SPAG16: variants seen among roughly 807,000 people sequenced by gnomAD.
SPAG16 encodes the protein sperm associated antigen 16.
Under a neutral mutation model 80.4 loss-of-function variants are expected in SPAG16, and 86 were observed. That is an observed-to-expected ratio of 1.07 (90% CI 0.90 to 1.28). SPAG16 has a LOEUF of 1.28. Among genes scored for constraint, SPAG16 ranks in the 50% most tolerant of loss-of-function variants. The probability of loss-of-function intolerance (pLI) is 0.00; values close to 1 mark genes in which losing one functional copy is unlikely to be tolerated. For synonymous variants in SPAG16, 294 were observed against 265.9 expected (o/e 1.11, Z -1.03); for missense variants, 870 against 765.3 (o/e 1.14, Z -1.61).
intron 10 of SPAG16, among the ~76,000 whole-genome samples, chr2:213,775,761 G>A (rs927422681): frequency 5.9e-5 from 9 of 152,262 alleles, no homozygotes; most frequent in Non-Finnish European, 8.8e-5. Flanking sequence ...ATCTTTATAA[G>A]TAGAAGTCAC....
chr2:214,372,596 C>G (rs1699891606), intron 15 of SPAG16, among the ~76,000 whole-genome samples: 1 of 152,156 alleles, frequency 6.6e-6, no homozygotes, highest in Non-Finnish European at 1.5e-5. Context: ...GCACATAAGG[C>G]CTTTCTCTGT....
intron 10 of SPAG16, among the ~76,000 whole-genome samples, chr2:213,554,198 A>G (rs1366693839): frequency 6.6e-6 from 1 of 152,142 alleles, no homozygotes; most frequent in Non-Finnish European, 1.5e-5. Context: ...GACTCTAACA[A>G]CACTTGCTGC....
At chr2:214,191,809 A>G (rs973712914) in intron 15 of SPAG16, among the ~76,000 whole-genome samples, 4 of 151,914 alleles carry the variant, frequency 2.6e-5, no homozygotes, top group Non-Finnish European at 5.9e-5. Flanking sequence ...GTTCTAGAAA[A>G]CGATTTCCGT....
intron 11 of SPAG16, among the ~76,000 whole-genome samples, chr2:213,896,583 C>T (rs62191878): frequency 0.65 from 83,597 of 128,186 alleles, 26,478 homozygotes; most frequent in South Asian, 0.86. Flanking sequence ...GATATATACA[C>T]ACACACACGC....
intron 12 of SPAG16, among the ~76,000 whole-genome samples, chr2:214,009,616 AG>A (rs1165088671): frequency 1.3e-5 from 2 of 152,180 alleles, no homozygotes; most frequent in Non-Finnish European, 2.9e-5. Context: ...GTCGTGAGGG[AG>A]GCAGGCTCAT....
intron 9 of SPAG16, among the ~76,000 whole-genome samples, chr2:213,443,024 A>G (rs954459961): frequency 6.6e-6 from 1 of 152,206 alleles, no homozygotes; most frequent in African/African-American, 2.4e-5. Context: ...CCATTATACA[A>G]AAATATACAA....
chr2:213,594,067 G>T (rs1045343486), intron 10 of SPAG16, among the ~76,000 whole-genome samples: 1 of 151,880 alleles, frequency 6.6e-6, no homozygotes, highest in Non-Finnish European at 1.5e-5. Context: ...GAGCCACCGC[G>T]CCCGGCCATC....
intron 9 of SPAG16, among the ~76,000 whole-genome samples, chr2:213,433,059 T>G (rs2070400525): frequency 6.6e-6 from 1 of 152,188 alleles, no homozygotes; most frequent in Admixed American, 6.5e-5. Context: ...CAGCATCATT[T>G]CGCTATAAAC....
intron 12 of SPAG16, among the ~76,000 whole-genome samples, chr2:213,994,347 A>G (rs890609711): frequency 6.6e-6 from 1 of 152,172 alleles, no homozygotes; most frequent in Non-Finnish European, 1.5e-5. Flanking sequence ...AGGGAACTTA[A>G]TTTTCAATAT....
chr2:213,998,470 T>G (rs1228277859), intron 12 of SPAG16, among the ~76,000 whole-genome samples: 9 of 152,228 alleles, frequency 5.9e-5, no homozygotes, highest in Admixed American at 2.0e-4. Flanking sequence ...CTGCCATGAT[T>G]CTGAGGCCTC....
chr2:214,178,734 C>T (rs10460333), intron 15 of SPAG16, among the ~76,000 whole-genome samples: 1 of 151,204 alleles, frequency 6.6e-6, no homozygotes, highest in Non-Finnish European at 1.5e-5. Flanking sequence ...AGTAATATTT[C>T]TAATTTCTAT....
intron 12 of SPAG16, among the ~76,000 whole-genome samples, chr2:213,938,976 G>A (rs868481736): frequency 6.6e-5 from 10 of 152,082 alleles, no homozygotes; most frequent in Middle Eastern, 3.4e-3. Flanking sequence ...TTAACAAAGA[G>A]AGCAGAACTT....
intron 15 of SPAG16, among the ~76,000 whole-genome samples, chr2:214,323,187 G>A (rs540118236): frequency 1.3e-5 from 2 of 152,184 alleles, no homozygotes; most frequent in East Asian, 1.9e-4. Flanking sequence ...TAAAAAGCCT[G>A]TTCTTTCTTC....
intron 10 of SPAG16, among the ~76,000 whole-genome samples, chr2:213,531,359 A>T (rs978265168): frequency 1.7e-4 from 24 of 142,000 alleles, no homozygotes; most frequent in African/African-American, 2.4e-4. Context: ...AAAAGATGTG[A>T]GTGTGTGTGT....
intron 15 of SPAG16, among the ~76,000 whole-genome samples, chr2:214,316,702 G>A (rs1008653574): frequency 6.6e-5 from 10 of 152,008 alleles, no homozygotes; most frequent in South Asian, 2.1e-4. Flanking sequence ...ATAAATAAGC[G>A]TAGTTTTCTT....
At chr2:213,828,594 G>C (rs549272446) in intron 10 of SPAG16, among the ~76,000 whole-genome samples, 1 of 152,294 alleles carries the variant, frequency 6.6e-6, no homozygotes, top group African/African-American at 2.4e-5. Flanking sequence ...ATACTTCAGT[G>C]TCTGGGCATT....
At chr2:213,521,184 T>C (rs1813708) in intron 10 of SPAG16, among the ~76,000 whole-genome samples, 140,728 of 152,168 alleles carry the variant, frequency 0.92, 65,695 homozygotes, top group East Asian at 1. Flanking sequence ...GTGGCCTGGT[T>C]GGTGGATGTT....
At chr2:213,919,224 T>A (rs994463726) in intron 11 of SPAG16, among the ~76,000 whole-genome samples, 2 of 152,142 alleles carry the variant, frequency 1.3e-5, no homozygotes, top group Non-Finnish European at 2.9e-5. Flanking sequence ...TTAAGTTTTT[T>A]AAATTACCAT....
At chr2:213,628,332 T>C (rs75494923) in intron 10 of SPAG16, among the ~76,000 whole-genome samples, 5 of 152,296 alleles carry the variant, frequency 3.3e-5, no homozygotes, top group Non-Finnish European at 7.4e-5. Context: ...AGGAGTCTAG[T>C]AAAGCACAAA....
Sources: gnomAD v4.1 joint callset for allele counts (sites outside exome capture counted in the v4.1 genomes callset) on GRCh38, gnomAD v4.1.1 for gene constraint, MANE v1.5 for transcripts, NCBI Gene and HGNC (gene_info 2026-07-23, HGNC 2026-07-21) for gene names.